Variants in FSTL5 observed in about 807,000 individuals in gnomAD.
FSTL5 encodes follistatin-related protein 5.
A neutral mutation model predicts 89.1 loss-of-function variants in FSTL5; 62 were observed. The ratio of observed to expected loss-of-function variants is 0.70; its 90% CI spans 0.57 to 0.86. The LOEUF (loss-of-function observed/expected upper bound fraction) is 0.86. Ranked by LOEUF, FSTL5 falls within the 40% of genes least tolerant of loss-of-function variation. The pLI, the probability that FSTL5 is intolerant of heterozygous loss-of-function variation, is 0.00. For missense variants in FSTL5, 1,057 were observed against 1,001.6 expected (o/e 1.06, Z -0.75); for synonymous variants, 383 against 346.2 (o/e 1.11, Z -1.18).
chr4:161,529,421 T>G (rs1302896805), intron 10 of FSTL5, among the ~76,000 whole-genome samples: 2 of 142,750 alleles, frequency 1.4e-5, no homozygotes, highest in Admixed American at 7.6e-5. Flanking sequence ...TGGAATTTAT[T>G]ATAAATAATG....
intron 7 of FSTL5, among the ~76,000 whole-genome samples, chr4:161,618,356 C>A (rs1380198740): frequency 3.9e-4 from 52 of 134,580 alleles, no homozygotes; most frequent in African/African-American, 1.4e-3. Context: ...ACTTCCAACA[C>A]TATGTTGAAT....
chr4:161,705,284 A>G (rs1457458031), intron 6 of FSTL5, among the ~76,000 whole-genome samples: 1 of 152,102 alleles, frequency 6.6e-6, no homozygotes, highest in Admixed American at 6.6e-5. Flanking sequence ...GTTAAAATGG[A>G]CTAAACCTGT....
intron 12 of FSTL5, among the ~76,000 whole-genome samples, chr4:161,483,557 GC>G: frequency 6.6e-6 from 1 of 152,234 alleles, no homozygotes; most frequent in East Asian, 1.9e-4. Flanking sequence ...TTTTTACAAA[GC>G]CATTAAAAGT....
At chr4:161,685,995 C>A (rs1197016760) in intron 6 of FSTL5, among the ~76,000 whole-genome samples, 1 of 151,808 alleles carries the variant, frequency 6.6e-6, no homozygotes, top group Non-Finnish European at 1.5e-5. Flanking sequence ...AATGCTTTTT[C>A]TGCAGCTATT....
chr4:161,924,202 A>C (rs1387507952), intron 3 of FSTL5, among the ~76,000 whole-genome samples: 6 of 151,676 alleles, frequency 4.0e-5, no homozygotes, highest in African/African-American at 1.4e-4. Context: ...CATATTTTAT[A>C]ATTTTTATTC....
intron 4 of FSTL5, among the ~76,000 whole-genome samples, chr4:161,806,815 TAA>T (rs1317862680): frequency 6.6e-6 from 1 of 152,046 alleles, no homozygotes; most frequent in African/African-American, 2.4e-5. Context: ...AAGTAAAAGA[TAA>T]AGAGAGTCTG....
intron 1 of FSTL5, among the ~76,000 whole-genome samples, chr4:162,141,792 G>T (rs2111484277): frequency 6.6e-6 from 1 of 152,190 alleles, no homozygotes; most frequent in East Asian, 1.9e-4. Flanking sequence ...TACAAGTGTG[G>T]AAGTACAGAG....
At chr4:162,072,814 T>A (rs2111313572) in intron 2 of FSTL5, among the ~76,000 whole-genome samples, 1 of 151,868 alleles carries the variant, frequency 6.6e-6, no homozygotes, top group South Asian at 2.1e-4. Flanking sequence ...GACATATAAA[T>A]CGGTAGACCA....
At chr4:161,712,548 A>G (rs1738825359) in intron 6 of FSTL5, among the ~76,000 whole-genome samples, 1 of 152,200 alleles carries the variant, frequency 6.6e-6, no homozygotes, top group Admixed American at 6.5e-5. Flanking sequence ...GTAGTTGCCT[A>G]TATTGATATT....
At chr4:161,630,482 A>T (rs1377658122) in intron 7 of FSTL5, among the ~76,000 whole-genome samples, 1 of 152,216 alleles carries the variant, frequency 6.6e-6, no homozygotes, top group Non-Finnish European at 1.5e-5. Context: ...TAACTTTCTC[A>T]TCATAAGTAT....
intron 2 of FSTL5, among the ~76,000 whole-genome samples, chr4:162,060,462 A>G (rs1738685859): frequency 6.6e-6 from 1 of 151,970 alleles, no homozygotes; most frequent in Admixed American, 6.6e-5. Flanking sequence ...GTATGAGTCT[A>G]TCTAAGCTTC....
At chr4:161,813,655 A>T (rs1190565902) in intron 4 of FSTL5, among the ~76,000 whole-genome samples, 1 of 152,232 alleles carries the variant, frequency 6.6e-6, no homozygotes, top group East Asian at 1.9e-4. Flanking sequence ...AAAACAGAGC[A>T]TCTCTAGAAA....
chr4:161,563,849 C>T (rs1455836555), intron 8 of FSTL5, among the ~76,000 whole-genome samples: 3 of 151,804 alleles, frequency 2.0e-5, no homozygotes, highest in Non-Finnish European at 4.4e-5. Context: ...TTAGAAGTGC[C>T]AACCTGTTTT....
chr4:161,681,282 A>G (rs559425425), intron 6 of FSTL5, among the ~76,000 whole-genome samples: 76 of 152,226 alleles, frequency 5.0e-4, no homozygotes, highest in Non-Finnish European at 2.9e-4. Context: ...TAAAAGGGAA[A>G]TCAAAAGAAA....
chr4:161,829,925 C>T (rs1427045683), intron 4 of FSTL5, among the ~76,000 whole-genome samples: 4 of 152,022 alleles, frequency 2.6e-5, no homozygotes, highest in Admixed American at 2.6e-4. Context: ...AAGGAAAGAG[C>T]AACCCTTAAG....
intron 2 of FSTL5, among the ~76,000 whole-genome samples, chr4:162,073,999 T>A (rs2111316741): frequency 6.6e-6 from 1 of 151,928 alleles, no homozygotes; most frequent in African/African-American, 2.4e-5. Flanking sequence ...CTCTCAGTTG[T>A]TCCACTGTTC....
chr4:162,112,288 G>A (rs1235859140), intron 1 of FSTL5, among the ~76,000 whole-genome samples: 1 of 152,162 alleles, frequency 6.6e-6, no homozygotes, highest in East Asian at 1.9e-4. Flanking sequence ...TTTTGGGTCT[G>A]TTTTAGCGAC....
At chr4:161,605,560 G>A (rs1578960950) in intron 7 of FSTL5, among the ~76,000 whole-genome samples, 1 of 152,166 alleles carries the variant, frequency 6.6e-6, no homozygotes, top group South Asian at 2.1e-4. Flanking sequence ...TAACTGCTAT[G>A]AGGAAACTGC....
At chr4:161,722,614 A>G (rs1018770968) in intron 6 of FSTL5, among the ~76,000 whole-genome samples, 9 of 152,142 alleles carry the variant, frequency 5.9e-5, no homozygotes, top group African/African-American at 1.9e-4. Flanking sequence ...GGCACTGCTG[A>G]TCTATCTATA....
Sources: allele counts gnomAD v4.1 joint callset (sites outside exome capture counted in the v4.1 genomes callset), GRCh38; gene constraint gnomAD v4.1.1; transcripts MANE v1.5; gene names NCBI Gene and HGNC (gene_info 2026-07-23, HGNC 2026-07-21).